WDFY4: variants seen among roughly 807,000 people sequenced by gnomAD.
WDFY4 encodes WDFY family member 4.
A neutral mutation model predicts 351.9 loss-of-function variants in WDFY4; 169 were observed. The ratio of observed to expected loss-of-function variants is 0.48; its 90% CI spans 0.42 to 0.55. The LOEUF (loss-of-function observed/expected upper bound fraction) is 0.55, where lower values mean the gene tolerates loss of function less well. WDFY4 is among the 20% of genes least tolerant of loss of function. The pLI is 0.00. For missense variants in WDFY4, 3,803 were observed against 3,935.6 expected (o/e 0.97, Z 0.90); for synonymous variants, 1,622 against 1,574.6 (o/e 1.03, Z -0.71).
intron 39 of WDFY4, among the ~76,000 whole-genome samples, chr10:48,833,337 G>T (rs1483981640): frequency 6.6e-6 from 1 of 152,150 alleles, no homozygotes; most frequent in Non-Finnish European, 1.5e-5. Context: ...GCTGGCTTTA[G>T]TCTGAGACCT....
chr10:48,727,438 C>T (rs2132314554), intron 6 of WDFY4, 32 bp from the exon 7 acceptor site: 2 of 1,544,670 alleles, frequency 1.3e-6, no homozygotes, highest in Middle Eastern at 1.7e-4. Flanking sequence ...CTTCCAAGCT[C>T]AGCAGGTCTC....
intron 39 of WDFY4, among the ~76,000 whole-genome samples, chr10:48,849,607 G>A (rs2068891537): frequency 2.0e-5 from 3 of 152,198 alleles, no homozygotes; most frequent in South Asian, 4.1e-4. Context: ...TTAGGATGGA[G>A]GGTTGGGTGA....
intron 30 of WDFY4, among the ~76,000 whole-genome samples, chr10:48,812,192 T>A (rs1334390792): frequency 6.7e-6 from 1 of 148,670 alleles, no homozygotes; most frequent in Non-Finnish European, 1.5e-5. Context: ...TTTTTTTTGT[T>A]TTTTTTGTTT....
chr10:48,762,621 A>T (rs1234850679), intron 13 of WDFY4, among the ~76,000 whole-genome samples: 1 of 152,204 alleles, frequency 6.6e-6, no homozygotes, highest in African/African-American at 2.4e-5. Flanking sequence ...CACCTCAGCA[A>T]GGCTGGCTCC....
At chr10:48,845,125 G>T (rs2133141531) in intron 39 of WDFY4, among the ~76,000 whole-genome samples, 1 of 152,332 alleles carries the variant, frequency 6.6e-6, no homozygotes, top group East Asian at 1.9e-4. Context: ...GCTGGGCACA[G>T]ACACCCCTTG....
At chr10:48,781,676 A>G (rs1198109296) in intron 19 of WDFY4, among the ~76,000 whole-genome samples, 2 of 152,222 alleles carry the variant, frequency 1.3e-5, no homozygotes, top group Non-Finnish European at 2.9e-5. Context: ...TATTAACAAT[A>G]TCAGTCCTCC....
chr10:48,921,809 G>A (rs1032238791), intron 47 of WDFY4, among the ~76,000 whole-genome samples: 6 of 152,076 alleles, frequency 3.9e-5, no homozygotes, highest in African/African-American at 7.2e-5. Flanking sequence ...CACAAAAATC[G>A]ATAGTGCAAA....
At chr10:48,879,712 A>G (rs1354228618) in intron 43 of WDFY4, among the ~76,000 whole-genome samples, 2 of 152,080 alleles carry the variant, frequency 1.3e-5, no homozygotes, top group East Asian at 3.9e-4. Flanking sequence ...GGCAGAATCC[A>G]CGTTCCTGCT....
chr10:48,709,998 G>C (rs1037073083), intron 2 of WDFY4, 32 bp downstream of exon 2: 1 of 1,520,878 alleles, frequency 6.6e-7, no homozygotes, highest in African/African-American at 1.4e-5. Flanking sequence ...ACTGTAAGGT[G>C]ATAGGCGCTC....
intron 3 of WDFY4, 67 bp downstream of exon 3, chr10:48,720,192 C>A: frequency 1.4e-6 from 2 of 1,454,446 alleles, no homozygotes; most frequent in South Asian, 1.2e-5. Flanking sequence ...CCCTCCCAGG[C>A]CTCTCAGGCC....
intron 47 of WDFY4, among the ~76,000 whole-genome samples, chr10:48,941,172 T>C (rs574730325): frequency 6.6e-6 from 1 of 152,182 alleles, no homozygotes; most frequent in Admixed American, 6.5e-5. Context: ...CAGAGATGAA[T>C]GCGAAAGGGC....
chr10:48,692,255 C>T (rs1490657663), intron 1 of WDFY4, among the ~76,000 whole-genome samples: 1 of 152,250 alleles, frequency 6.6e-6, no homozygotes, highest in Non-Finnish European at 1.5e-5. Flanking sequence ...ATCACAGATT[C>T]TTGTATTTCC....
rs573118096 is a variant in WDFY4 at position 48,850,824 on chromosome 10, C to A, written c.6664-16441C>A. Among the ~76,000 whole-genome samples the A allele has an allele frequency of 8.5e-5, 13 of 152,334 alleles. No individual in the cohort carries two copies. In the East Asian group the frequency reaches 2.3e-3, roughly 27 times the overall value. On this transcript the variant is annotated intron_variant, in intron 39 of 61. Transcript: ENST00000325239. ...ACTGCTGTCAAGCTTCTGCACATCT[C>A]TCCCTGGCCTCACCAAGATCAAAAG... is the stretch of plus-strand genomic sequence containing the variant.
At chr10:48,806,179 C>T in intron 27 of WDFY4, 84 bp downstream of exon 27, 1 of 1,404,172 alleles carries the variant, frequency 7.1e-7, no homozygotes, top group Middle Eastern at 1.8e-4. Context: ...GAGGGAGGGG[C>T]TAAGTAAGGA....
chr10:48,955,611 T>G (rs60312033), intron 51 of WDFY4, among the ~76,000 whole-genome samples: 6,136 of 152,266 alleles, frequency 0.04, 398 homozygotes, highest in African/African-American at 0.14. Flanking sequence ...TTGGGAAAAA[T>G]CAGTGTACTT....
chr10:48,726,458 T>G (rs569522921), intron 6 of WDFY4, among the ~76,000 whole-genome samples: 2 of 152,354 alleles, frequency 1.3e-5, no homozygotes, highest in East Asian at 3.9e-4. Context: ...AGAAGAATTT[T>G]TCAAGGCTAT....
intron 12 of WDFY4, among the ~76,000 whole-genome samples, chr10:48,744,637 T>C (rs1002890191): frequency 1.6e-4 from 25 of 152,248 alleles, no homozygotes; most frequent in African/African-American, 6.0e-4. Context: ...TCTATGCTAC[T>C]GAAGAGTTTA....
intron 2 of WDFY4, among the ~76,000 whole-genome samples, chr10:48,715,609 T>A (rs2132241513): frequency 6.6e-6 from 1 of 152,256 alleles, no homozygotes; most frequent in Non-Finnish European, 1.5e-5. Flanking sequence ...ATAGCAAAGA[T>A]GACCAAGAAT....
rs959368948 is a variant in WDFY4, at chr10:48,820,380, G to C, written c.5652G>C (p.Glu1884Asp). The change falls in exon 33 of 62, where the codon GAG (glutamate) becomes GAC (aspartate). Residue 1884 changes from glutamate to aspartate, a missense_variant. Physicochemically the swap from Glu to Asp is conservative, Grantham distance 45 (BLOSUM62 2). Transcript: ENST00000325239. ...LREFTQLLLR[E>D]LLLGASSPKQ... Reference sequence around the variant, plus strand: ...AGTTCACGCAGCTCCTCTTGAGGGAGCTCCTGCTTGGAGCCTCCAGCCCCA... The same window carrying C: ...AGTTCACGCAGCTCCTCTTGAGGGACCTCCTGCTTGGAGCCTCCAGCCCCA... 6.4e-7 allele frequency: 1 copy of C among 1,551,502 alleles called. No individual in the cohort carries two copies. The highest frequency in any genetic ancestry group is 1.4e-5 in the African/African-American group (1 of 73,034).
Sources: allele counts gnomAD v4.1 joint callset (sites outside exome capture counted in the v4.1 genomes callset), GRCh38; gene constraint gnomAD v4.1.1; transcripts MANE v1.5; gene names NCBI Gene and HGNC (gene_info 2026-07-23, HGNC 2026-07-21).